The following SYNDIG1L variants were observed in gnomAD, a reference collection of about 807,000 sequenced individuals.
The protein encoded by SYNDIG1L is synapse differentiation-inducing gene protein 1-like.
In SYNDIG1L, 13 loss-of-function variants were observed where a neutral mutation model predicts 20.1. The observed-to-expected ratio is 0.65, with a 90% CI of 0.42 to 1.03. SYNDIG1L has a LOEUF of 1.03. SYNDIG1L is among the 50% of genes least tolerant of loss of function. The pLI, the probability that SYNDIG1L is intolerant of heterozygous loss-of-function variation, is 0.00. For missense variants in SYNDIG1L, 294 were observed against 305.1 expected, an observed-to-expected ratio of 0.96 and a Z score of 0.27; for synonymous variants, 128 against 129.3, an observed-to-expected ratio of 0.99 and a Z score of 0.07.
At chr14:74,437,706 C>T in the SYNDIG1L span, among the ~76,000 whole-genome samples, 1 of 152,182 alleles carries the variant, frequency 6.6e-6, no homozygotes, top group Non-Finnish European at 1.5e-5. Context: ...CCCCAGCTCC[C>T]ACCCCTATAC....
the SYNDIG1L span, among the ~76,000 whole-genome samples, chr14:74,478,341 T>C: frequency 3.5e-3 from 539 of 152,338 alleles, 3 homozygotes; most frequent in Middle Eastern, 0.017. Context: ...ATGAAAGATA[T>C]ACAGTATTAA....
the SYNDIG1L span, among the ~76,000 whole-genome samples, chr14:74,438,472 G>A: frequency 1.3e-5 from 2 of 152,080 alleles, no homozygotes; most frequent in African/African-American, 4.8e-5. Context: ...CTAAAGCTTG[G>A]GCCATCTATT....
At chr14:74,450,385 A>G in the SYNDIG1L span, among the ~76,000 whole-genome samples, 1 of 152,200 alleles carries the variant, frequency 6.6e-6, no homozygotes, top group African/African-American at 2.4e-5. Context: ...TAGACATTAT[A>G]AGAAAAGTAC....
At chr14:74,418,548 TA>T (rs1045690197) in intron 1 of SYNDIG1L, among the ~76,000 whole-genome samples, 1 of 152,192 alleles carries the variant, frequency 6.6e-6, no homozygotes, top group Non-Finnish European at 1.5e-5. Context: ...TAGGAAGAGT[TA>T]GGGGGTCTAT....
chr14:74,434,817 C>T, the SYNDIG1L span, among the ~76,000 whole-genome samples: 1 of 151,356 alleles, frequency 6.6e-6, no homozygotes, highest in African/African-American at 2.4e-5. Flanking sequence ...CGCGGTGGCT[C>T]ACACCTGTAA....
intron 1 of SYNDIG1L, among the ~76,000 whole-genome samples, chr14:74,411,000 A>AC (rs538099460): frequency 2.2e-4 from 33 of 151,900 alleles, no homozygotes; most frequent in African/African-American, 7.2e-4. Context: ...GAAGCCATAA[A>AC]CCCCCCCAAC....
the SYNDIG1L span, among the ~76,000 whole-genome samples, chr14:74,451,828 A>G: frequency 3.9e-3 from 594 of 152,170 alleles, 1 homozygote; most frequent in Non-Finnish European, 6.3e-3. Flanking sequence ...CGTCTCTACT[A>G]AAAATACAAA....
chr14:74,461,059 T>C, the SYNDIG1L span, among the ~76,000 whole-genome samples: 1 of 152,044 alleles, frequency 6.6e-6, no homozygotes, highest in Non-Finnish European at 1.5e-5. Flanking sequence ...TATTTGCTTT[T>C]TCTGCACCCA....
chr14:74,419,147 C>T (rs868367707), intron 1 of SYNDIG1L, among the ~76,000 whole-genome samples: 1 of 152,192 alleles, frequency 6.6e-6, no homozygotes, highest in South Asian at 2.1e-4. Flanking sequence ...GCTCAAAGGT[C>T]ACTTCCTTAG....
chr14:74,441,054 T>A, the SYNDIG1L span, among the ~76,000 whole-genome samples: 1 of 152,214 alleles, frequency 6.6e-6, no homozygotes, highest in South Asian at 2.1e-4. Context: ...GTTAATGGGT[T>A]TAGTACCATG....
chr14:74,478,728 A>C, the SYNDIG1L span, among the ~76,000 whole-genome samples: 8 of 152,332 alleles, frequency 5.3e-5, no homozygotes, highest in East Asian at 1.5e-3. Flanking sequence ...GACATCATCA[A>C]ATCTCAGATT....
At chr14:74,472,835 A>G in the SYNDIG1L span, among the ~76,000 whole-genome samples, 7 of 152,180 alleles carry the variant, frequency 4.6e-5, no homozygotes, top group South Asian at 2.1e-4. Context: ...AGTACAGCCA[A>G]TTTGAGGAAT....
chr14:74,408,118 A>G, intron 2 of SYNDIG1L, 129 bp from the exon 3 acceptor site: 1 of 1,168,982 alleles, frequency 8.6e-7, no homozygotes, highest in East Asian at 2.7e-5. Flanking sequence ...CTTCTGCCGC[A>G]GGTGGGGATG....
At chr14:74,478,190 C>T in the SYNDIG1L span, among the ~76,000 whole-genome samples, 3 of 152,264 alleles carry the variant, frequency 2.0e-5, no homozygotes, top group East Asian at 5.8e-4. Flanking sequence ...CCTAATCGAC[C>T]ACCCCACCAA....
chr14:74,434,072 G>T, the SYNDIG1L span, among the ~76,000 whole-genome samples: 1 of 151,974 alleles, frequency 6.6e-6, no homozygotes, highest in African/African-American at 2.4e-5. Context: ...ATAACAACAA[G>T]TATGCCAAAA....
chr14:74,421,116 A>T (rs1434763784), intron 1 of SYNDIG1L, among the ~76,000 whole-genome samples: 9 of 152,200 alleles, frequency 5.9e-5, no homozygotes, highest in African/African-American at 1.9e-4. Context: ...TTGAAAAAAA[A>T]TTTTTTGAAT....
chr14:74,429,684 A>C (rs1422115795), upstream of SYNDIG1L, among the ~76,000 whole-genome samples: 1 of 152,242 alleles, frequency 6.6e-6, no homozygotes, highest in Non-Finnish European at 1.5e-5. Flanking sequence ...AGAGGACAGG[A>C]GAGGTGGGCC....
Position 74,406,322 on chromosome 14 carries a change from A to T in SYNDIG1L, c.*1213T>A. On this transcript the variant is annotated 3_prime_UTR_variant, in exon 4 of 4. Transcript: ENST00000331628. Reference sequence around the variant, plus strand: ...CATTGGTCTTTGAGAGACAGGTGTGACGTTCCTCCTTGAGTTGGCAGAACC... The same window carrying T: ...CATTGGTCTTTGAGAGACAGGTGTGTCGTTCCTCCTTGAGTTGGCAGAACC... 1 of 374,102 alleles carries T rather than the reference A, an allele frequency of 2.7e-6. No homozygotes were observed. The highest frequency in any genetic ancestry group is 2.1e-5 in the African/African-American group (1 of 48,252). The allele number at this position is 374,102 out of a possible 1,614,324, so 23.2% of individuals were successfully genotyped here. A position where few individuals can be genotyped will look rare whatever the true frequency, so the allele number is the denominator to read the frequency against.
the SYNDIG1L span, among the ~76,000 whole-genome samples, chr14:74,439,683 C>T: frequency 6.6e-6 from 1 of 151,704 alleles, no homozygotes; most frequent in Non-Finnish European, 1.5e-5. Flanking sequence ...GAGTTCGAGA[C>T]CAGCCTGACC....
Sources: gnomAD v4.1 joint callset for allele counts (sites outside exome capture counted in the v4.1 genomes callset) on GRCh38, gnomAD v4.1.1 for gene constraint, MANE v1.5 for transcripts, NCBI Gene and HGNC (gene_info 2026-07-23, HGNC 2026-07-21) for gene names.